Variants in GDI2 observed in about 807,000 individuals in gnomAD.
GDI2 encodes rab GDP dissociation inhibitor beta.
GDI2 carries 22 observed loss-of-function variants against 54.2 expected under a neutral mutation model. The observed-to-expected ratio is 0.41, with a 90% confidence interval of 0.29 to 0.58. The LOEUF (loss-of-function observed/expected upper bound fraction) is 0.58. GDI2 is among the 20% of genes least tolerant of loss of function. The pLI is 0.35. For missense variants in GDI2, 422 were observed against 546.0 expected, an observed-to-expected ratio of 0.77 and a Z score of 2.26; for synonymous variants, 177 against 182.1, an observed-to-expected ratio of 0.97 and a Z score of 0.23.
At chr10:5,799,041 A>AT (rs1318786150) in intron 2 of GDI2, among the ~76,000 whole-genome samples, 6 of 152,146 alleles carry the variant, frequency 3.9e-5, no homozygotes, top group Non-Finnish European at 8.8e-5. Flanking sequence ...AGATTTGTAG[A>AT]TTAAGAAAAT....
intron 5 of GDI2, 105 bp from the exon 6 acceptor site, chr10:5,785,378 GTTT>G: frequency 1.2e-6 from 1 of 845,298 alleles, no homozygotes; most frequent in East Asian, 2.6e-5. Context: ...CTTCTTTTTT[GTTT>G]TTTTGTTTTT....
At chr10:5,801,194 C>T (rs192412895) in intron 1 of GDI2, among the ~76,000 whole-genome samples, 1 of 152,042 alleles carries the variant, frequency 6.6e-6, no homozygotes, top group Admixed American at 6.5e-5. Flanking sequence ...CTCAGGTGAT[C>T]CTCCCGCCTC....
intron 7 of GDI2, among the ~76,000 whole-genome samples, chr10:5,769,815 G>A (rs143383356): frequency 3.3e-5 from 5 of 152,322 alleles, no homozygotes; most frequent in Non-Finnish European, 5.9e-5. Context: ...TATGGAAAAT[G>A]GTATGGCAGT....
At chr10:5,788,153 T>C (rs368690363) in intron 4 of GDI2, among the ~76,000 whole-genome samples, 66 of 152,200 alleles carry the variant, frequency 4.3e-4, no homozygotes, top group East Asian at 3.7e-3. Context: ...AAACTCCTAA[T>C]TGAAAAAGTT....
intron 5 of GDI2, among the ~76,000 whole-genome samples, 187 bp from the exon 6 acceptor site, chr10:5,785,460 C>T (rs1182624916): frequency 6.6e-6 from 1 of 152,106 alleles, no homozygotes; most frequent in Non-Finnish European, 1.5e-5. Flanking sequence ...CCACAACTTC[C>T]ACCTCCCAGG....
At chr10:5,806,940 G>A (rs555289923) in intron 1 of GDI2, among the ~76,000 whole-genome samples, 4 of 152,196 alleles carry the variant, frequency 2.6e-5, no homozygotes, top group East Asian at 1.9e-4. Flanking sequence ...GACTATGGCC[G>A]TAAAGCAAGC....
chr10:5,796,691 T>G, intron 3 of GDI2, 72 bp downstream of exon 3: 1 of 804,350 alleles, frequency 1.2e-6, no homozygotes. Flanking sequence ...AATAGTACTC[T>G]GTCAAAAGTT....
At chr10:5,809,329 T>C (rs1841442802) in intron 1 of GDI2, among the ~76,000 whole-genome samples, 1 of 152,022 alleles carries the variant, frequency 6.6e-6, no homozygotes, top group Admixed American at 6.6e-5. Context: ...CAAAGTCCTC[T>C]CTCACTGCCT....
intron 6 of GDI2, among the ~76,000 whole-genome samples, chr10:5,781,144 T>C (rs554930287): frequency 6.7e-6 from 1 of 149,076 alleles, no homozygotes; most frequent in East Asian, 2.0e-4. Context: ...TTCCAACAAA[T>C]GCAGCTAAAA....
intron 6 of GDI2, among the ~76,000 whole-genome samples, chr10:5,783,369 C>G (rs1255778513): frequency 1.3e-5 from 2 of 152,144 alleles, no homozygotes; most frequent in Non-Finnish European, 2.9e-5. Flanking sequence ...TTGAAGACAG[C>G]AGATACTTGG....
chr10:5,773,354 CT>C (rs1284019225), intron 7 of GDI2, among the ~76,000 whole-genome samples: 1 of 152,056 alleles, frequency 6.6e-6, no homozygotes, highest in Non-Finnish European at 1.5e-5. Flanking sequence ...GGGAAACGAT[CT>C]TTTTTTCCTT....
chr10:5,796,906 A>AT (rs776219384), intron 2 of GDI2, 44 bp from the exon 3 acceptor site: 1 of 921,426 alleles, frequency 1.1e-6, no homozygotes, highest in South Asian at 1.4e-5. Flanking sequence ...ACAAAATTTA[A>AT]TTTTTTATTA....
intron 6 of GDI2, 66 bp downstream of exon 6, chr10:5,785,070 ACTATAT>A: frequency 2.0e-6 from 2 of 1,008,412 alleles, no homozygotes; most frequent in South Asian, 4.6e-5. Flanking sequence ...CATTATTTAA[ACTATAT>A]CTCATATACA....
intron 6 of GDI2, among the ~76,000 whole-genome samples, chr10:5,775,033 A>G (rs1282491450): frequency 6.6e-6 from 1 of 152,236 alleles, no homozygotes; most frequent in Non-Finnish European, 1.5e-5. Flanking sequence ...TTCACGCCTA[A>G]TGCCACCACT....
rs1457627640 is a variant in GDI2, at chr10:5,785,089, T to C, written c.719+53A>G. 6 of 1,309,292 alleles carry C rather than the reference T, an allele frequency of 4.6e-6. No homozygotes were observed. The African/African-American group carries it at 8.9e-5, about 19-fold the overall frequency. The allele number at this position is 1,309,292 out of a possible 1,614,324, so 81.1% of individuals were successfully genotyped here. A position where few individuals can be genotyped will look rare whatever the true frequency, so the allele number is the denominator to read the frequency against. ...ATTTAAACTATATCTCATATACACATTATGTTGAAGATGAGGTTTTGGATC... is the reference window on the plus strand; with the variant it reads ...ATTTAAACTATATCTCATATACACACTATGTTGAAGATGAGGTTTTGGATC... On this transcript the variant is annotated intron_variant, in intron 6 of 10. Coordinates refer to ENST00000380191, the MANE Select transcript of GDI2 (RefSeq NM_001494.4).
rs146114526 is a variant in GDI2 at position 5,790,145 on chromosome 10, T to C, written c.389-4095A>G. Among the ~76,000 whole-genome samples the C allele has an allele frequency of 6.1e-3, 935 of 152,330 alleles. 35 individuals are homozygous for C. The highest frequency in any genetic ancestry group is 1.4e-3 in the Non-Finnish European group (95 of 68,028). On this transcript the variant is annotated intron_variant, in intron 4 of 10. Transcript: ENST00000380191. ...ACATTACAAGAAAAAGTTGAATTCC[T>C]TGAAACGTACCAACTGACTTCAGGT...
At chr10:5,777,863 T>C (rs1203880230) in intron 6 of GDI2, among the ~76,000 whole-genome samples, 9 of 152,142 alleles carry the variant, frequency 5.9e-5, no homozygotes, top group Admixed American at 5.9e-4. Context: ...CTGTTCACAA[T>C]AGCAAAGACT....
chr10:5,812,682 A>G (rs1251472366), intron 1 of GDI2, among the ~76,000 whole-genome samples: 1 of 152,246 alleles, frequency 6.6e-6, no homozygotes, highest in Non-Finnish European at 1.5e-5. Context: ...CGCCAAAAAT[A>G]TAAGTTAATC....
At chr10:5,771,226 G>A (rs1840482593) in intron 7 of GDI2, among the ~76,000 whole-genome samples, 1 of 152,098 alleles carries the variant, frequency 6.6e-6, no homozygotes, top group East Asian at 1.9e-4. Flanking sequence ...TATATGAACT[G>A]TAAATCCTGT....
Sources: gnomAD v4.1 joint callset for allele counts (sites outside exome capture counted in the v4.1 genomes callset) on GRCh38, gnomAD v4.1.1 for gene constraint, MANE v1.5 for transcripts, NCBI Gene and HGNC (gene_info 2026-07-23, HGNC 2026-07-21) for gene names.